The following UBAC2 variants were observed in gnomAD, a reference collection of about 807,000 sequenced individuals.
The protein encoded by UBAC2 is UBA domain containing 2.
Under a neutral mutation model 44.0 loss-of-function variants are expected in UBAC2, and 26 were observed. The observed-to-expected ratio is 0.59, with a 90% confidence interval of 0.43 to 0.82. The LOEUF is 0.82. Ranked by LOEUF, UBAC2 falls within the 40% of genes least tolerant of loss-of-function variation. The pLI is 0.00. For synonymous variants in UBAC2, 155 were observed against 154.3 expected (o/e 1.00, Z -0.04); for missense variants, 329 against 419.4 (o/e 0.78, Z 1.88).
intron 4 of UBAC2, among the ~76,000 whole-genome samples, chr13:99,290,982 A>G (rs975202816): frequency 3.3e-5 from 5 of 152,112 alleles, no homozygotes; most frequent in African/African-American, 1.2e-4. Context: ...ACAGGGAGGA[A>G]TGGAGCTCAG....
At chr13:99,204,233 C>T (rs978179783) in intron 1 of UBAC2, among the ~76,000 whole-genome samples, 31 of 152,152 alleles carry the variant, frequency 2.0e-4, no homozygotes, top group Non-Finnish European at 3.8e-4. Flanking sequence ...CGTTTGTCCT[C>T]GGTGCTGTGG....
At chr13:99,341,650 G>A (rs537592448) in intron 7 of UBAC2, among the ~76,000 whole-genome samples, 19 of 152,268 alleles carry the variant, frequency 1.2e-4, no homozygotes, top group Admixed American at 2.6e-4. Flanking sequence ...GCTGAGAGCC[G>A]AAAGCAAAGA....
rs1394927069 is a variant in UBAC2 at position 99,200,884 on chromosome 13, C to G, written c.-25C>G. 7 of 1,303,272 alleles carry G rather than the reference C, an allele frequency of 5.4e-6. No homozygotes were observed. The highest frequency in any genetic ancestry group is 5.8e-5 in the East Asian group (2 of 34,244). The allele number at this position is 1,303,272 out of a possible 1,614,324, so 80.7% of individuals were successfully genotyped here. A position where few individuals can be genotyped will look rare whatever the true frequency, so the allele number is the denominator to read the frequency against. ...TCAGCTTCCCCTCCCCCGGCGCCCT[C>G]TGGGGCTCCGAGCCCGGCGGGACCA... On this transcript the variant is annotated 5_prime_UTR_variant, in exon 1 of 9. Coordinates refer to ENST00000403766, the MANE Select transcript of UBAC2 (RefSeq NM_001144072.2).
chr13:99,269,537 G>A (rs115904729), intron 4 of UBAC2, among the ~76,000 whole-genome samples: 2 of 152,054 alleles, frequency 1.3e-5, no homozygotes, highest in African/African-American at 4.8e-5. Context: ...TTTAAATTTT[G>A]AAGTACGTAC....
intron 7 of UBAC2, among the ~76,000 whole-genome samples, chr13:99,346,444 C>G (rs970237708): frequency 2.6e-5 from 4 of 152,230 alleles, no homozygotes; most frequent in Non-Finnish European, 5.9e-5. Flanking sequence ...AGGCTCCTGC[C>G]TGCTATGTGG....
chr13:99,325,215 G>A lies in UBAC2; in HGVS notation c.561+7146G>A, dbSNP rs561423242. On this transcript the variant is annotated intron_variant, in intron 6 of 8. Transcript: ENST00000403766. ...CCTCCCGGGTTCACACCATTCTCCTGCCTCAGCCTCCCAAGTAGCTGGGAC... is the reference window on the plus strand; with the variant it reads ...CCTCCCGGGTTCACACCATTCTCCTACCTCAGCCTCCCAAGTAGCTGGGAC... 2.7e-5 allele frequency among the ~76,000 whole-genome samples: 4 copies of A among 147,588 alleles called. No individual in the cohort carries two copies. In the South Asian group the frequency reaches 8.4e-4, roughly 31 times the overall value.
At chr13:99,201,793 C>G (rs2042804384) in intron 1 of UBAC2, among the ~76,000 whole-genome samples, 2 of 152,048 alleles carry the variant, frequency 1.3e-5, no homozygotes, top group Admixed American at 1.3e-4. Flanking sequence ...ATCTGTTGGC[C>G]GGGCGCGGTG....
chr13:99,307,480 C>T (rs1213758849), intron 4 of UBAC2: 1 of 151,344 alleles, frequency 6.6e-6, no homozygotes, highest in Non-Finnish European at 1.5e-5. Flanking sequence ...TTCTCTGTCA[C>T]CCTGTGACTG....
chr13:99,281,269 T>C (rs2043951256), intron 4 of UBAC2, among the ~76,000 whole-genome samples: 1 of 151,864 alleles, frequency 6.6e-6, no homozygotes, highest in Non-Finnish European at 1.5e-5. Context: ...ACATTTGGGT[T>C]CAGTGATTTT....
intron 4 of UBAC2, among the ~76,000 whole-genome samples, chr13:99,276,560 G>A (rs1733091187): frequency 6.6e-6 from 1 of 152,220 alleles, no homozygotes; most frequent in South Asian, 2.1e-4. Context: ...CACCCTCTCA[G>A]CACTTCCATG....
At chr13:99,264,967 GT>G (rs34026571) in intron 4 of UBAC2, among the ~76,000 whole-genome samples, 2,972 of 135,164 alleles carry the variant, frequency 0.022, 34 homozygotes, top group Non-Finnish European at 0.025. Flanking sequence ...TGCCATCGCT[GT>G]TTTTTTTTTT....
At chr13:99,242,915 C>T (rs1339500988) in intron 2 of UBAC2, among the ~76,000 whole-genome samples, 2 of 150,044 alleles carry the variant, frequency 1.3e-5, no homozygotes, top group Admixed American at 1.3e-4. Flanking sequence ...AGACGATGGG[C>T]GGCCGGGTAG....
chr13:99,210,300 G>T (rs1018411436), intron 1 of UBAC2, among the ~76,000 whole-genome samples: 1 of 152,080 alleles, frequency 6.6e-6, no homozygotes, highest in African/African-American at 2.4e-5. Context: ...AAATAAAATG[G>T]CATTTATTGA....
chr13:99,239,717 G>A (rs1031239018), intron 2 of UBAC2, among the ~76,000 whole-genome samples: 1 of 152,184 alleles, frequency 6.6e-6, no homozygotes, highest in Non-Finnish European at 1.5e-5. Flanking sequence ...TCCAGGAATG[G>A]GAATAGCCAC....
intron 4 of UBAC2, among the ~76,000 whole-genome samples, chr13:99,274,346 T>C (rs576789246): frequency 6.6e-6 from 1 of 152,260 alleles, no homozygotes; most frequent in South Asian, 2.1e-4. Flanking sequence ...CTTTTTTTTT[T>C]CTTGAGATAG....
At chr13:99,326,188 C>T (rs2044638921) in intron 6 of UBAC2, among the ~76,000 whole-genome samples, 1 of 152,204 alleles carries the variant, frequency 6.6e-6, no homozygotes, top group Admixed American at 6.5e-5. Flanking sequence ...ACATCCTAAC[C>T]AACACTTGTC....
intron 7 of UBAC2, 72 bp downstream of exon 7, chr13:99,340,637 C>A: frequency 1.3e-6 from 2 of 1,501,454 alleles, no homozygotes; most frequent in Non-Finnish European, 9.0e-7. Flanking sequence ...TCTGTGATTG[C>A]ATGTGAGATA....
chr13:99,254,302 C>T lies in UBAC2; in HGVS notation c.389+9678C>T, dbSNP rs556015198. 8.7e-4 allele frequency among the ~76,000 whole-genome samples: 132 copies of T among 152,266 alleles called. 1 individual carries two copies. Among genetic ancestry groups the T allele is most frequent in the Non-Finnish European group, 1.6e-3 (106 of 68,026 alleles). On this transcript the variant is annotated intron_variant, in intron 4 of 8. Coordinates refer to ENST00000403766, the MANE Select transcript of UBAC2 (RefSeq NM_001144072.2). ...TAAATAGGGTTTGGTGCATAGTAGG[C>T]TCTCAGTGTTTGTTGAATGACTATT...
chr13:99,318,113 G>T (rs61970296), intron 6 of UBAC2, 44 bp downstream of exon 6: 59,841 of 1,534,542 alleles, frequency 0.039, 1,452 homozygotes, highest in Middle Eastern at 0.12. Flanking sequence ...TCTCTCTCCT[G>T]TAAAAACATT....
Sources: allele counts gnomAD v4.1 joint callset (sites outside exome capture counted in the v4.1 genomes callset), GRCh38; gene constraint gnomAD v4.1.1; transcripts MANE v1.5; gene names NCBI Gene and HGNC (gene_info 2026-07-23, HGNC 2026-07-21).